The following XXYLT1 variants were observed in gnomAD, a reference collection of about 807,000 sequenced individuals.
XXYLT1 encodes xyloside xylosyltransferase 1.
In XXYLT1, 20 loss-of-function variants were observed where a neutral mutation model predicts 28.9. The ratio of observed to expected loss-of-function variants is 0.69; its 90% CI spans 0.49 to 1.00. The LOEUF is 1.00. Among genes scored for constraint, XXYLT1 ranks in the 50% least tolerant of loss-of-function variants. The pLI is 0.00. For missense variants in XXYLT1, 542 were observed against 560.1 expected (o/e 0.97, Z 0.33); for synonymous variants, 257 against 253.8 (o/e 1.01, Z -0.12).
chr3:195,151,979 A>G (rs1286670669), intron 3 of XXYLT1, among the ~76,000 whole-genome samples: 1 of 152,196 alleles, frequency 6.6e-6, no homozygotes, highest in East Asian at 1.9e-4. Flanking sequence ...TGAGTTCTCC[A>G]GTAATTCTCT....
rs556110357 is a variant in XXYLT1, at chr3:195,255,263, G to C, written c.504+15292C>G. On this transcript the variant is annotated intron_variant, in intron 1 of 3. Transcript: ENST00000310380. The surrounding 1 kb of genome is among the most constrained non-coding windows in gnomAD (Gnocchi z 4.5). ...ACCAGGCCTGGAGATCCCTGTGACA[G>C]TCACGGCAGGACTGGGGCTGCAGGA... 3.9e-4 allele frequency among the ~76,000 whole-genome samples: 60 copies of C among 152,332 alleles called. No individual in the cohort carries two copies. In the South Asian group the frequency reaches 0.012, roughly 31 times the overall value.
rs1026328880 is a variant in XXYLT1 at position 195,077,627 on chromosome 3, G to C, written c.786-7516C>G. ...GACCAGCCCATCTCTGTGGGGCCCTGTAAAGCGCGGCCTGGGGCTGGACGT... is the reference window on the plus strand; with the variant it reads ...GACCAGCCCATCTCTGTGGGGCCCTCTAAAGCGCGGCCTGGGGCTGGACGT... On this transcript the variant is annotated intron_variant, in intron 3 of 3. Transcript: ENST00000310380. This position sits in a 1 kb window ranked among gnomAD's most constrained non-coding sequence, Gnocchi z 4.8. Among the ~76,000 whole-genome samples, 4 of 152,334 alleles carry C rather than the reference G, an allele frequency of 2.6e-5. No homozygotes were observed. The highest frequency in any genetic ancestry group is 9.6e-5 in the African/African-American group (4 of 41,588).
intron 3 of XXYLT1, among the ~76,000 whole-genome samples, chr3:195,088,242 AAAC>A (rs1715890050): frequency 3.3e-5 from 5 of 151,414 alleles, no homozygotes; most frequent in Admixed American, 3.3e-4. Flanking sequence ...GGGCACAGAC[AAAC>A]AAAAAGACAG....
At chr3:195,074,051 A>G (rs1239340041) in intron 3 of XXYLT1, among the ~76,000 whole-genome samples, 2 of 151,996 alleles carry the variant, frequency 1.3e-5, no homozygotes, top group African/African-American at 4.8e-5. Flanking sequence ...CCACCACTCC[A>G]AACCACAGGC....
chr3:195,072,198 G>A (rs918093595), intron 3 of XXYLT1, among the ~76,000 whole-genome samples: 1 of 152,026 alleles, frequency 6.6e-6, no homozygotes, highest in East Asian at 1.9e-4. Flanking sequence ...ACACCGGGTG[G>A]AAGCAGGGGG....
chr3:195,266,383 A>AC (rs1337037074), intron 1 of XXYLT1, among the ~76,000 whole-genome samples: 19 of 151,808 alleles, frequency 1.3e-4, no homozygotes, highest in Non-Finnish European at 2.5e-4. Flanking sequence ...TAGTCCAGCT[A>AC]CTCCGGAAGC....
intron 3 of XXYLT1, among the ~76,000 whole-genome samples, chr3:195,084,592 C>T (rs1715620672): frequency 6.6e-6 from 1 of 152,200 alleles, no homozygotes; most frequent in African/African-American, 2.4e-5. Context: ...GTACTCTTTT[C>T]AGAGGTCCAA....
intron 3 of XXYLT1, among the ~76,000 whole-genome samples, chr3:195,111,168 A>C (rs1343666226): frequency 1.3e-5 from 2 of 151,930 alleles, no homozygotes; most frequent in East Asian, 3.9e-4. Flanking sequence ...ATTCCTTAGC[A>C]CGCAGAAGCA....
intron 1 of XXYLT1, among the ~76,000 whole-genome samples, chr3:195,238,909 G>C (rs1343890256): frequency 6.6e-6 from 1 of 152,160 alleles, no homozygotes; most frequent in Admixed American, 6.5e-5. Context: ...ATCTGCGCAG[G>C]CATACACGCA....
intron 2 of XXYLT1, among the ~76,000 whole-genome samples, chr3:195,201,239 T>G (rs1055809536): frequency 6.6e-6 from 1 of 152,166 alleles, no homozygotes. Flanking sequence ...ACCCACTGCC[T>G]TTTAAATCAG....
chr3:195,132,163 T>C (rs1419907205), intron 3 of XXYLT1, among the ~76,000 whole-genome samples: 4 of 152,236 alleles, frequency 2.6e-5, no homozygotes, highest in Non-Finnish European at 5.9e-5. Context: ...AGCTGTGACA[T>C]GCTGGCCATG....
At position 195,115,896 on chromosome 3, in the gene XXYLT1, C is replaced by T. The variant is rs1263637271; in HGVS notation, c.785+40553G>A. Among the ~76,000 whole-genome samples the T allele has an allele frequency of 6.6e-6, 1 of 152,120 alleles. No individual in the cohort carries two copies. Among genetic ancestry groups the T allele is most frequent in the Non-Finnish European group, 1.5e-5 (1 of 68,028 alleles). ...TGTCCTCAGGCTCAGGAGACAAAGA[C>T]CGAGGACAGGTGACAGGGACAGTGA... On this transcript the variant is annotated intron_variant, in intron 3 of 3. Transcript: ENST00000310380. This position sits in a 1 kb window ranked among gnomAD's most constrained non-coding sequence, Gnocchi z 4.2.
intron 1 of XXYLT1, among the ~76,000 whole-genome samples, chr3:195,258,678 C>T (rs12486835): frequency 0.14 from 21,983 of 152,122 alleles, 3,545 homozygotes; most frequent in African/African-American, 0.39. Flanking sequence ...GGGGAAGGGA[C>T]GTGATGAAGA....
chr3:195,182,498 A>C (rs756637103), intron 2 of XXYLT1, among the ~76,000 whole-genome samples: 28 of 152,336 alleles, frequency 1.8e-4, no homozygotes, highest in South Asian at 4.1e-4. Context: ...CAAATGGGCA[A>C]GCCTCAGAGC....
chr3:195,150,470 G>T lies in XXYLT1; in HGVS notation c.785+5979C>A, dbSNP rs1438255948. On this transcript the variant is annotated intron_variant, in intron 3 of 3. Coordinates refer to ENST00000310380, the MANE Select transcript of XXYLT1 (RefSeq NM_152531.5). This position sits in a 1 kb window ranked among gnomAD's most constrained non-coding sequence, Gnocchi z 4.7. ...TTCCGAGCGTCTGGAAGAACCCGAG[G>T]CTGGCACAGCACCATCAGCAAATAA... is the stretch of plus-strand genomic sequence containing the variant. Among the ~76,000 whole-genome samples the T allele has an allele frequency of 6.6e-6, 1 of 152,210 alleles. No homozygotes were observed. The highest frequency in any genetic ancestry group is 1.5e-5 in the Non-Finnish European group (1 of 68,042).
chr3:195,099,810 G>C lies in XXYLT1; in HGVS notation c.786-29699C>G, dbSNP rs1235520803. 4.6e-5 allele frequency among the ~76,000 whole-genome samples: 6 copies of C among 129,388 alleles called. No homozygotes were observed. In the Admixed American group the frequency reaches 5.3e-4, roughly 11 times the overall value. 84.9% of individuals were successfully genotyped at this position (129,388 alleles called of 152,430 possible). A position where few individuals can be genotyped will look rare whatever the true frequency, so the allele number is the denominator to read the frequency against. ...CGCGCCACTGCACTCCAGCCTGGGC[G>C]ACACAGCGAGACTCTGTCTCAAAAA... On this transcript the variant is annotated intron_variant, in intron 3 of 3. Coordinates refer to ENST00000310380, the MANE Select transcript of XXYLT1 (RefSeq NM_152531.5).
intron 3 of XXYLT1, among the ~76,000 whole-genome samples, chr3:195,106,000 G>T (rs6785310): frequency 6.6e-6 from 1 of 152,004 alleles, no homozygotes; most frequent in Non-Finnish European, 1.5e-5. Flanking sequence ...CATTTCACCG[G>T]CGCGTAGCAT....
intron 1 of XXYLT1, among the ~76,000 whole-genome samples, chr3:195,268,329 G>A (rs1295715807): frequency 1.3e-5 from 2 of 151,998 alleles, no homozygotes; most frequent in Non-Finnish European, 1.5e-5. Flanking sequence ...TACTCAGGAG[G>A]CTGGGCCAGG....
intron 2 of XXYLT1, among the ~76,000 whole-genome samples, chr3:195,217,737 C>A (rs1723636386): frequency 6.6e-6 from 1 of 151,846 alleles, no homozygotes; most frequent in South Asian, 2.1e-4. Flanking sequence ...AGCCATACTG[C>A]CCAAGGTAAT....
Sources: gnomAD v4.1 joint callset for allele counts (sites outside exome capture counted in the v4.1 genomes callset) on GRCh38, gnomAD v4.1.1 for gene constraint, Gnocchi (gnomAD v3.1) non-coding constraint, MANE v1.5 for transcripts, NCBI Gene and HGNC (gene_info 2026-07-23, HGNC 2026-07-21) for gene names.